Variants in BEND3 observed in about 807,000 individuals in gnomAD.
The protein encoded by BEND3 is BEN domain containing 3.
BEND3 carries 13 observed loss-of-function variants against 60.1 expected under a neutral mutation model. The observed-to-expected ratio is 0.22, with a 90% confidence interval of 0.14 to 0.34. The LOEUF (loss-of-function observed/expected upper bound fraction) is 0.34, where lower values mean the gene tolerates loss of function less well. Among genes scored for constraint, BEND3 ranks in the 10% least tolerant of loss-of-function variants. The pLI, the probability that BEND3 is intolerant of heterozygous loss-of-function variation, is 1.00. For synonymous variants in BEND3, 497 were observed against 491.5 expected (o/e 1.01, Z -0.15); for missense variants, 896 against 1,138.1 (o/e 0.79, Z 3.06).
chr6:107,097,096 G>C (rs1775600782), intron 3 of BEND3, among the ~76,000 whole-genome samples: 1 of 152,218 alleles, frequency 6.6e-6, no homozygotes, highest in Admixed American at 6.5e-5. Context: ...GCCTGATGCA[G>C]TGGCTCACAC....
intron 3 of BEND3, among the ~76,000 whole-genome samples, chr6:107,083,899 G>A (rs1299506163): frequency 6.6e-6 from 1 of 152,162 alleles, no homozygotes; most frequent in Non-Finnish European, 1.5e-5. Flanking sequence ...ACCAGACTTG[G>A]CAACACAGCG....
intron 3 of BEND3, among the ~76,000 whole-genome samples, chr6:107,085,770 C>T (rs1201959246): frequency 2.1e-5 from 3 of 146,150 alleles, no homozygotes; most frequent in Non-Finnish European, 4.5e-5. Flanking sequence ...GGATTACAGG[C>T]GTGAGCCACC....
At chr6:107,082,300 C>A (rs776220294) in intron 3 of BEND3, among the ~76,000 whole-genome samples, 29 of 152,182 alleles carry the variant, frequency 1.9e-4, no homozygotes, top group Non-Finnish European at 3.1e-4. Flanking sequence ...ATCATCCCAG[C>A]CACTCATTCC....
In BEND3 at chr6:107,069,741, C is replaced by A. The variant is rs1774922994; in HGVS notation, c.1450G>T (p.Gly484Trp). 6.2e-7 allele frequency: 1 copy of A among 1,612,206 alleles called. No homozygotes were observed. Residue 484 changes from glycine (G) to tryptophan (W), a missense_variant, in exon 4 of 4, where the codon GGG becomes TGG. Coordinates refer to ENST00000369042, the MANE Select transcript of BEND3 (RefSeq NM_001367314.1). ...TCGCCTTCACTGCCCGCGTCCAGCC[C>A]CAGGCCCTCGAGCTCGTCGTTGATG... Reference protein sequence around the residue: ...QRINDELEGLGLDAGSEGDPP... With the variant: ...QRINDELEGLWLDAGSEGDPP...
chr6:107,089,883 C>T (rs1775439193), intron 3 of BEND3, among the ~76,000 whole-genome samples: 1 of 151,674 alleles, frequency 6.6e-6, no homozygotes. Flanking sequence ...GCGTGAGCCA[C>T]TGCGCCTGGC....
rs1252497291 is a variant in BEND3, at chr6:107,068,849, C to T, written c.2342G>A (p.Arg781His). The T allele has an allele frequency of 1.2e-6, 2 of 1,613,926 alleles. No homozygotes were observed. The highest frequency in any genetic ancestry group is 4.5e-5 in the East Asian group (2 of 44,878). ...CGGGTAGACGGCTTCCACGTAGTGG[C>T]GGATGAGCCGCAGCCGCGTGGGGTC... The part of the protein sequence containing the change: ...QLDPTRLRLI[R>H]HYVEAVYPVE... The change falls in exon 4 of 4, where the codon CGC becomes CAC. Residue 781 changes from arginine to histidine, a missense_variant. Around this residue, in one of 4 missense-constraint regions of BEND3, gnomAD observed 29 missense variants for 51.9 expected, o/e 0.56. Transcript: ENST00000369042. The surrounding 1 kb of genome is among the most constrained non-coding windows in gnomAD (Gnocchi z 5.8).
chr6:107,104,935 G>A (rs1554237195), intron 1 of BEND3, among the ~76,000 whole-genome samples: 1 of 152,088 alleles, frequency 6.6e-6, no homozygotes, highest in Non-Finnish European at 1.5e-5. Flanking sequence ...AAAGTGCTGG[G>A]ATTAGAGGTG....
intron 3 of BEND3, among the ~76,000 whole-genome samples, chr6:107,097,560 G>T (rs1554236143): frequency 6.6e-6 from 1 of 151,286 alleles, no homozygotes; most frequent in East Asian, 2.0e-4. Context: ...GGAGGCCAAG[G>T]CAGGCAGATC....
At position 107,081,141 on chromosome 6, in the gene BEND3, C is replaced by CA. The variant is rs143627922; in HGVS notation, c.241-10192dup. On this transcript the variant is annotated intron_variant, in intron 3 of 3. Coordinates refer to ENST00000369042, the MANE Select transcript of BEND3 (RefSeq NM_001367314.1). ...CAGGATGGTCTCAAACTCTTAGGCTCAAGTGATCCACCTAACTTAGCCTCC... is the reference window on the plus strand; with the variant it reads ...CAGGATGGTCTCAAACTCTTAGGCTCAAAGTGATCCACCTAACTTAGCCTCC... 8.1e-3 allele frequency among the ~76,000 whole-genome samples: 1,224 copies of CA among 151,694 alleles called. 19 individuals are homozygous for CA. Among genetic ancestry groups the CA allele is most frequent in the African/African-American group, 0.028 (1,166 of 41,300 alleles).
intron 1 of BEND3, among the ~76,000 whole-genome samples, chr6:107,113,454 C>CAAAAAAAAAAAAAAAAAAA: frequency 1.7e-5 from 1 of 60,558 alleles, no homozygotes; most frequent in Non-Finnish European, 2.9e-5. Context: ...AAAAAAAAAA[C>CAAAAAAAAAAAAAAAAAAA]AAAAAAAAAA....
intron 3 of BEND3, among the ~76,000 whole-genome samples, chr6:107,087,792 C>CTTTT (rs34765639): frequency 1.1e-5 from 1 of 92,396 alleles, no homozygotes; most frequent in East Asian, 3.5e-4. Flanking sequence ...AATGAAAATA[C>CTTTT]TTTTTTTTTT....
At chr6:107,107,934 C>T (rs1196832526) in intron 1 of BEND3, among the ~76,000 whole-genome samples, 7 of 152,232 alleles carry the variant, frequency 4.6e-5, no homozygotes, top group African/African-American at 7.2e-5. Context: ...CCCATGCCAT[C>T]CACTCTGGTG....
At chr6:107,092,968 G>T (rs868943301) in intron 3 of BEND3, among the ~76,000 whole-genome samples, 1 of 152,108 alleles carries the variant, frequency 6.6e-6, no homozygotes, top group Non-Finnish European at 1.5e-5. Context: ...CAAAACTGAT[G>T]AAAGTAATTT....
chr6:107,099,671 G>A (rs2115028452), intron 1 of BEND3, among the ~76,000 whole-genome samples: 1 of 152,312 alleles, frequency 6.6e-6, no homozygotes, highest in African/African-American at 2.4e-5. Context: ...ATAGGCTGAA[G>A]GATGGGGGCC....
intron 3 of BEND3, among the ~76,000 whole-genome samples, chr6:107,075,180 T>G (rs555438925): frequency 2.0e-5 from 3 of 151,814 alleles, no homozygotes; most frequent in Admixed American, 2.0e-4. Context: ...GAGCTGTGAC[T>G]GCACCACTGT....
rs782267909 is a variant in BEND3 at position 107,070,816 on chromosome 6, A to C, written c.375T>G (p.Pro125=). 37 of 1,613,946 alleles carry C rather than the reference A, an allele frequency of 2.3e-5. No individual in the cohort carries two copies. Among genetic ancestry groups the C allele is most frequent in the Non-Finnish European group, 2.4e-5 (28 of 1,180,016 alleles). The change falls in exon 4 of 4, where the codon CCT becomes CCG. Residue 125 remains proline (P), a synonymous_variant. Coordinates refer to ENST00000369042, the MANE Select transcript of BEND3 (RefSeq NM_001367314.1). The surrounding 1 kb of genome is among the most constrained non-coding windows in gnomAD (Gnocchi z 6.9). ...EEEPCNDATT[P]SYKKPLYGIS... is the part of the protein sequence containing the mutation. ...TGCCATACAGAGGCTTCTTGTAGGA[A>C]GGGGTGGTGGCATCGTTGCAGGGCT...
rs115703590 is a variant in BEND3, at chr6:107,093,959, T to C, written c.240+4592A>G. Among the ~76,000 whole-genome samples the C allele has an allele frequency of 7.1e-3, 1,077 of 152,332 alleles. 14 individuals are homozygous for C. The highest frequency in any genetic ancestry group is 0.025 in the African/African-American group (1,029 of 41,584). ...AAAGAATGAAAGGCAAGCCACAGGC[T>C]GGGAGAAAATATTTGCAAAAGACAT... On this transcript the variant is annotated intron_variant, in intron 3 of 3. Coordinates refer to ENST00000369042, the MANE Select transcript of BEND3 (RefSeq NM_001367314.1).
rs533602636 is a variant in BEND3 at position 107,089,822 on chromosome 6, TG to T, written c.240+8728del. 2.3e-3 allele frequency among the ~76,000 whole-genome samples: 345 copies of T among 150,878 alleles called. 3 individuals are homozygous for T. Among genetic ancestry groups the T allele is most frequent in the African/African-American group, 8.0e-3 (332 of 41,262 alleles). Reference sequence around the variant, plus strand: ...GTTGGCCAGGCTGGTCTCGAACTCCTGACCTCAAATGATTCACTCACCTCAG... The same window carrying T: ...GTTGGCCAGGCTGGTCTCGAACTCCTACCTCAAATGATTCACTCACCTCAG... On this transcript the variant is annotated intron_variant, in intron 3 of 3. Coordinates refer to ENST00000369042, the MANE Select transcript of BEND3 (RefSeq NM_001367314.1).
At chr6:107,109,065 T>C (rs1428924465) in intron 1 of BEND3, among the ~76,000 whole-genome samples, 1 of 151,574 alleles carries the variant, frequency 6.6e-6, no homozygotes, top group Non-Finnish European at 1.5e-5. Context: ...CTCAGCCTCC[T>C]AAGGTGCTGG....
Sources: gnomAD v4.1 joint callset for allele counts (sites outside exome capture counted in the v4.1 genomes callset) on GRCh38, gnomAD v4.1.1 for gene constraint, gnomAD v4.1.1 regional missense constraint, Gnocchi (gnomAD v3.1) non-coding constraint, MANE v1.5 for transcripts, NCBI Gene and HGNC (gene_info 2026-07-23, HGNC 2026-07-21) for gene names.